Variants in C11orf65 observed in about 807,000 individuals in gnomAD.
C11orf65 encodes protein MFI.
Under a neutral mutation model 35.3 loss-of-function variants are expected in C11orf65, and 38 were observed. That is an observed-to-expected ratio of 1.08 (90% CI 0.83 to 1.41). C11orf65 has a LOEUF of 1.41. Among genes scored for constraint, C11orf65 ranks in the 40% most tolerant of loss-of-function variants. The pLI is 0.00. For missense variants in C11orf65, 370 were observed against 367.1 expected (o/e 1.01, Z -0.06); for synonymous variants, 105 against 114.4 (o/e 0.92, Z 0.53).
At chr11:108,390,308 GCCA>G (rs2092126581) in intron 7 of C11orf65, among the ~76,000 whole-genome samples, 1 of 152,180 alleles carries the variant, frequency 6.6e-6, no homozygotes, top group Admixed American at 6.5e-5. Context: ...ACAGGCGTAA[GCCA>G]CCACACCCAG....
chr11:108,461,599 T>A, intron 1 of C11orf65, 31 bp from the exon 2 acceptor site: 1 of 1,261,074 alleles, frequency 7.9e-7, no homozygotes, highest in Non-Finnish European at 1.1e-6. Context: ...AGGGTACATT[T>A]AAAATAATTT....
chr11:108,458,514 C>T (rs918349397), intron 2 of C11orf65, among the ~76,000 whole-genome samples: 24 of 152,226 alleles, frequency 1.6e-4, no homozygotes, highest in African/African-American at 5.3e-4. Context: ...GGTGAACAGA[C>T]TTGGGTGTCG....
chr11:108,403,939 T>C (rs1328509065), intron 6 of C11orf65, among the ~76,000 whole-genome samples: 1 of 152,152 alleles, frequency 6.6e-6, no homozygotes, highest in Non-Finnish European at 1.5e-5. Flanking sequence ...CTCACCTGAT[T>C]ATTAAGATTC....
chr11:108,365,424 T>G lies in C11orf65; in HGVS notation c.226+27784A>C, dbSNP rs759675675. 4 of 1,614,068 alleles carry G rather than the reference T, an allele frequency of 2.5e-6. No individual in the cohort carries two copies. Among genetic ancestry groups the G allele is most frequent in the Non-Finnish European group, 3.4e-6 (4 of 1,180,034 alleles). ...AAGAAGGCACTGTGCTCAGTGTTGGTGGACAAGTGAATTTGCTCATACAGC... is the reference window on the plus strand; with the variant it reads ...AAGAAGGCACTGTGCTCAGTGTTGGGGGACAAGTGAATTTGCTCATACAGC... On this transcript the variant is annotated intron_variant, in intron 2 of 3. Coordinates refer to the C11orf65 transcript ENST00000524755.
intron 1 of C11orf65, 54 bp from the exon 2 acceptor site, chr11:108,461,622 AT>A: frequency 8.8e-7 from 1 of 1,142,346 alleles, no homozygotes; most frequent in Non-Finnish European, 1.3e-6. Context: ...ATTTACTTTC[AT>A]TTTTATTTAT....
intron 3 of C11orf65, among the ~76,000 whole-genome samples, chr11:108,415,920 A>T (rs1306773507): frequency 2.0e-5 from 3 of 152,004 alleles, no homozygotes; most frequent in South Asian, 2.1e-4. Flanking sequence ...ATCCACGTTC[A>T]AGAAAAAAAA....
At chr11:108,393,091 G>GA in intron 7 of C11orf65, 117 bp downstream of exon 7, 1 of 1,026,094 alleles carries the variant, frequency 9.7e-7, no homozygotes, top group Non-Finnish European at 1.4e-6. Context: ...AGATACTCGG[G>GA]TTTTTTTTTT....
chr11:108,448,530 A>G (rs1371769436), intron 2 of C11orf65, among the ~76,000 whole-genome samples: 3 of 152,216 alleles, frequency 2.0e-5, no homozygotes, highest in Non-Finnish European at 2.9e-5. Context: ...CCAAAGACAA[A>G]AAACACATGA....
At chr11:108,345,683 G>A in intron 2 of C11orf65, 1 of 1,294,600 alleles carries the variant, frequency 7.7e-7, no homozygotes, top group Non-Finnish European at 1.1e-6. Context: ...ATAAAAATGT[G>A]TATATTAGTT....
intron 2 of C11orf65, among the ~76,000 whole-genome samples, chr11:108,447,212 T>C (rs1480446380): frequency 3.3e-5 from 5 of 152,054 alleles, no homozygotes; most frequent in Non-Finnish European, 7.4e-5. Context: ...CTGTCAACAT[T>C]AGACAGATCA....
chr11:108,388,542 T>A (rs2092071689), intron 7 of C11orf65, among the ~76,000 whole-genome samples: 1 of 152,130 alleles, frequency 6.6e-6, no homozygotes, highest in African/African-American at 2.4e-5. Flanking sequence ...AAACTACATA[T>A]CTTAGAAATC....
At chr11:108,430,595 G>A (rs11212628) in intron 3 of C11orf65, among the ~76,000 whole-genome samples, 27,668 of 151,852 alleles carry the variant, frequency 0.18, 2,868 homozygotes, top group African/African-American at 0.27. Context: ...TGTAATCCCA[G>A]CACTTTGGGA....
At chr11:108,355,099 G>A (rs1434987645) in intron 2 of C11orf65, 1 of 550,332 alleles carries the variant, frequency 1.8e-6, no homozygotes, top group Non-Finnish European at 3.3e-6. Context: ...TTAGAGCATT[G>A]TAAGTAGTCT....
intron 3 of C11orf65, among the ~76,000 whole-genome samples, chr11:108,412,997 A>T (rs2092682919): frequency 6.6e-6 from 1 of 152,246 alleles, no homozygotes; most frequent in Non-Finnish European, 1.5e-5. Flanking sequence ...CCCCTCTATC[A>T]GTAATTGACA....
At chr11:108,447,791 G>T (rs1009913698) in intron 2 of C11orf65, among the ~76,000 whole-genome samples, 37 of 152,138 alleles carry the variant, frequency 2.4e-4, no homozygotes, top group Non-Finnish European at 5.3e-4. Flanking sequence ...AATCAGAGCA[G>T]AACTGAAGGA....
In C11orf65 at chr11:108,431,789, T is replaced by C; in HGVS notation, c.131A>G (p.Gln44Arg). 1 of 1,531,028 alleles carries C rather than the reference T, an allele frequency of 6.5e-7. No individual in the cohort carries two copies. Among genetic ancestry groups the C allele is most frequent in the Non-Finnish European group, 8.9e-7 (1 of 1,125,198 alleles). The allele number at this position is 1,531,028 out of a possible 1,614,324, so 94.8% of individuals were successfully genotyped here. The change falls in exon 3 of 9, where the codon CAA (glutamine) becomes CGA (arginine). Residue 44 changes from glutamine (Q) to arginine (R), a missense_variant. By Grantham distance (43) the Gln-to-Arg change is conservative. Coordinates refer to ENST00000393084, the MANE Select transcript of C11orf65 (RefSeq NM_152587.5). ...HFKSLIDLRR[Q>R]GEPRQIVKYI... Reference sequence around the variant, plus strand: ...TTTCACTATCTGACGTGGTTCTCCTTGTCTTCTTAAATCAATCAGACTTTT... The same window carrying C: ...TTTCACTATCTGACGTGGTTCTCCTCGTCTTCTTAAATCAATCAGACTTTT...
At chr11:108,417,181 A>G in intron 3 of C11orf65, among the ~76,000 whole-genome samples, 1 of 152,212 alleles carries the variant, frequency 6.6e-6, no homozygotes, top group East Asian at 1.9e-4. Context: ...ATTACATTAC[A>G]TGTGAATGAA....
chr11:108,309,126 C>G (rs1018049929), intron 6 of C11orf65: 5 of 990,606 alleles, frequency 5.0e-6, no homozygotes, highest in Admixed American at 2.0e-5. Flanking sequence ...GCATTCAAGT[C>G]CAAGCTTGTG....
At chr11:108,417,802 G>C (rs1411527389) in intron 3 of C11orf65, among the ~76,000 whole-genome samples, 1 of 152,072 alleles carries the variant, frequency 6.6e-6, no homozygotes, top group African/African-American at 2.4e-5. Flanking sequence ...AGCATTAGGA[G>C]AAATACCTAA....
Sources: allele counts gnomAD v4.1 joint callset (sites outside exome capture counted in the v4.1 genomes callset), GRCh38; gene constraint gnomAD v4.1.1; transcripts MANE v1.5; gene names NCBI Gene and HGNC (gene_info 2026-07-23, HGNC 2026-07-21).